MOSPD2: variants seen among roughly 807,000 people sequenced by gnomAD.
MOSPD2 encodes the protein motile sperm domain containing 2, also known as motile sperm domain-containing protein 2.
Under a neutral mutation model 41.7 loss-of-function variants are expected in MOSPD2, and 5 were observed. That is an observed-to-expected ratio of 0.12 (90% CI 0.06 to 0.25). The LOEUF (loss-of-function observed/expected upper bound fraction) is 0.25. Among genes scored for constraint, MOSPD2 ranks in the 10% least tolerant of loss-of-function variants. The pLI is 1.00. For missense variants in MOSPD2, 282 were observed against 375.2 expected (o/e 0.75, Z 2.05); for synonymous variants, 115 against 126.9 (o/e 0.91, Z 0.63).
At position 14,874,024 on chromosome X, in the gene MOSPD2, G is replaced by A. The variant is rs761299467; in HGVS notation, c.79+266G>A. The A allele has an allele frequency of 1.3e-5, 5 of 386,265 alleles. No homozygotes were observed. The South Asian group carries it at 2.0e-4, about 15-fold the overall frequency. 31.8% of individuals were successfully genotyped at this position (386,265 alleles called of 1,213,427 possible). On this transcript the variant is annotated intron_variant, in intron 2 of 14. Transcript: ENST00000380492. The stretch of plus-strand genomic sequence containing the variant: ...TTTTTAGCATGCCCTCGTGTTTATG[G>A]AACTTGCAGGATACTTGTTAGGCCC...
intron 6 of MOSPD2, among the ~76,000 whole-genome samples, chrX:14,901,160 T>G (rs1444132883): frequency 8.9e-6 from 1 of 111,825 alleles, no homozygotes; most frequent in African/African-American, 3.3e-5. Flanking sequence ...ATTTGGAGTT[T>G]GTTTGTTTTT....
intron 2 of MOSPD2, among the ~76,000 whole-genome samples, chrX:14,890,587 A>G (rs1227129358): frequency 8.9e-6 from 1 of 111,985 alleles, no homozygotes; most frequent in African/African-American, 3.2e-5. Flanking sequence ...CTTATATTTT[A>G]TAGTGCTTTA....
chrX:14,910,139 T>G (rs1026095396), intron 8 of MOSPD2, among the ~76,000 whole-genome samples: 3 of 109,969 alleles, frequency 2.7e-5, no homozygotes, highest in African/African-American at 1.0e-4. Flanking sequence ...AACATTAATT[T>G]TTAAGTATTT....
At chrX:14,905,913 T>C (rs1451717355) in intron 7 of MOSPD2, among the ~76,000 whole-genome samples, 1 of 111,866 alleles carries the variant, frequency 8.9e-6, no homozygotes, top group Non-Finnish European at 1.9e-5. Flanking sequence ...TTTTATTTAT[T>C]TTTTAATATT....
At chrX:14,915,904 T>C (rs1373795668) in intron 12 of MOSPD2, 140 bp downstream of exon 12, 1 of 596,879 alleles carries the variant, frequency 1.7e-6, no homozygotes, top group Non-Finnish European at 2.6e-6. Context: ...CACCTCGCTG[T>C]AGACATCTTT....
intron 11 of MOSPD2, among the ~76,000 whole-genome samples, chrX:14,915,228 A>G (rs946496118): frequency 8.9e-6 from 1 of 112,281 alleles, no homozygotes; most frequent in African/African-American, 3.2e-5. Flanking sequence ...AATTCAGGCA[A>G]TTAACAGGAT....
chrX:14,891,162 A>T (rs1232482876), intron 2 of MOSPD2, among the ~76,000 whole-genome samples: 1 of 112,064 alleles, frequency 8.9e-6, no homozygotes, highest in Non-Finnish European at 1.9e-5. Flanking sequence ...TTCAAGTTCC[A>T]TAAAAGTAAT....
intron 5 of MOSPD2, among the ~76,000 whole-genome samples, chrX:14,900,103 A>G (rs2092570569): frequency 8.9e-6 from 1 of 112,444 alleles, no homozygotes; most frequent in African/African-American, 3.2e-5. Context: ...AATATATTTT[A>G]TTGACACTAT....
At position 14,915,191 on chromosome X, in the gene MOSPD2, T is replaced by C. The variant is rs762043566; in HGVS notation, c.1090-477T>C. Among the ~76,000 whole-genome samples the C allele has an allele frequency of 9.5e-4, 107 of 112,315 alleles. 1 individual carries two copies. The highest frequency in any genetic ancestry group is 1.3e-3 in the Non-Finnish European group (70 of 53,256). The stretch of plus-strand genomic sequence containing the variant: ...TTAATAACATGCAATCTAATGTGCA[T>C]TCTGTTTTTGTGAATTTATGTCATT... On this transcript the variant is annotated intron_variant, in intron 11 of 14. Coordinates refer to ENST00000380492, the MANE Select transcript of MOSPD2 (RefSeq NM_152581.4).
chrX:14,911,304 G>T lies in MOSPD2; in HGVS notation c.770G>T (p.Gly257Val), dbSNP rs2092591375. ...TTCCAGACCCCACTGTGTGAGAATG[G>T]GCCTATTACCAGTGAGGATGAAACT... ...DDFQTPLCENGPITSEDETSS... is the reference protein window; with the variant it reads ...DDFQTPLCENVPITSEDETSS... Residue 257 changes from glycine to valine, a missense_variant, in exon 9 of 15, where the codon GGG becomes GTG. Transcript: ENST00000380492. 4.2e-6 allele frequency: 5 copies of T among 1,200,971 alleles called. No homozygotes were observed. Among genetic ancestry groups the T allele is most frequent in the Non-Finnish European group, 5.6e-6 (5 of 888,304 alleles).
intron 2 of MOSPD2, 25 bp downstream of exon 2, chrX:14,873,783 A>G (rs1264566760): frequency 8.6e-7 from 1 of 1,160,363 alleles, no homozygotes; most frequent in South Asian, 1.8e-5. Context: ...CCAGGTATTA[A>G]GAAAGGTGTG....
chrX:14,883,200 A>G (rs1320908812), intron 2 of MOSPD2, among the ~76,000 whole-genome samples: 1 of 111,094 alleles, frequency 9.0e-6, no homozygotes, highest in Non-Finnish European at 1.9e-5. Context: ...TCTCGAAAAA[A>G]AAAAAGAGTC....
At chrX:14,910,829 T>G (rs1366440284) in intron 8 of MOSPD2, among the ~76,000 whole-genome samples, 1 of 111,414 alleles carries the variant, frequency 9.0e-6, no homozygotes, top group Non-Finnish European at 1.9e-5. Flanking sequence ...ATAGGTGATG[T>G]TGAAAACTTT....
At chrX:14,906,977 T>C (rs916446668) in intron 7 of MOSPD2, among the ~76,000 whole-genome samples, 1 of 111,868 alleles carries the variant, frequency 8.9e-6, no homozygotes, top group Non-Finnish European at 1.9e-5. Context: ...TGAGCCAAGA[T>C]TGCGCCATTG....
intron 2 of MOSPD2, among the ~76,000 whole-genome samples, chrX:14,877,790 G>A (rs1602020556): frequency 1.9e-5 from 2 of 106,063 alleles, no homozygotes; most frequent in Non-Finnish European, 3.9e-5. Flanking sequence ...TGGCGAACAC[G>A]GTGAAACCCT....
intron 5 of MOSPD2, among the ~76,000 whole-genome samples, chrX:14,897,603 T>A (rs1602031103): frequency 8.9e-6 from 1 of 112,007 alleles, no homozygotes; most frequent in African/African-American, 3.2e-5. Flanking sequence ...AGTAATATAT[T>A]CAGGAAATAT....
At chrX:14,900,778 A>G in intron 6 of MOSPD2, 143 bp downstream of exon 6, 1 of 333,838 alleles carries the variant, frequency 3.0e-6, no homozygotes. Flanking sequence ...GTTCATAGAC[A>G]TTATTGTAAC....
intron 5 of MOSPD2, among the ~76,000 whole-genome samples, chrX:14,899,616 TTATA>T (rs1376193373): frequency 1.3e-5 from 1 of 75,723 alleles, no homozygotes; most frequent in East Asian, 3.1e-4. Flanking sequence ...AAAGGTATTA[TTATA>T]TATATACCCA....
chrX:14,919,303 C>G (rs188538709), intron 14 of MOSPD2, among the ~76,000 whole-genome samples: 3 of 112,031 alleles, frequency 2.7e-5, no homozygotes, highest in Non-Finnish European at 5.6e-5. Context: ...GCACAAGGTA[C>G]TTTGGGGAGT....
Sources: gnomAD v4.1 joint callset for allele counts (sites outside exome capture counted in the v4.1 genomes callset) on GRCh38, gnomAD v4.1.1 for gene constraint, MANE v1.5 for transcripts, NCBI Gene and HGNC (gene_info 2026-07-23, HGNC 2026-07-21) for gene names.